Variants in GRID1 observed in about 807,000 individuals in gnomAD.
GRID1 encodes glutamate receptor ionotropic, delta-1.
Under a neutral mutation model 98.0 loss-of-function variants are expected in GRID1, and 28 were observed. That is an observed-to-expected ratio of 0.29 (90% CI 0.21 to 0.39). The LOEUF is 0.39. Ranked by LOEUF, GRID1 falls within the 10% of genes least tolerant of loss-of-function variation. The probability of loss-of-function intolerance (pLI) is 1.00; values close to 1 mark genes in which losing one functional copy is unlikely to be tolerated. For missense variants in GRID1, 1,111 were observed against 1,340.5 expected, an observed-to-expected ratio of 0.83 and a Z score of 2.67; for synonymous variants, 553 against 538.5, an observed-to-expected ratio of 1.03 and a Z score of -0.37.
chr10:86,323,675 G>A (rs1415033396), intron 2 of GRID1, among the ~76,000 whole-genome samples: 1 of 152,202 alleles, frequency 6.6e-6, no homozygotes, highest in Non-Finnish European at 1.5e-5. Flanking sequence ...AATGGGTACA[G>A]GGTCTCTTCT....
intron 12 of GRID1, among the ~76,000 whole-genome samples, chr10:85,656,518 A>T (rs901242742): frequency 6.6e-6 from 1 of 152,050 alleles, no homozygotes; most frequent in Non-Finnish European, 1.5e-5. Flanking sequence ...CACCCGTCTG[A>T]CCACTTCATT....
intron 4 of GRID1, among the ~76,000 whole-genome samples, chr10:85,988,048 G>C (rs1297757375): frequency 6.6e-6 from 1 of 152,084 alleles, no homozygotes; most frequent in Admixed American, 6.5e-5. Flanking sequence ...CTGCTGAATA[G>C]AAATGAATAT....
At chr10:86,050,719 C>T (rs554587909) in intron 4 of GRID1, among the ~76,000 whole-genome samples, 18 of 152,118 alleles carry the variant, frequency 1.2e-4, no homozygotes, top group Middle Eastern at 3.4e-3. Context: ...GAAAGATACA[C>T]CAAGTTCTTG....
Position 86,366,362 on chromosome 10 carries a change from AG to A in GRID1, c.30del (p.Trp11GlyfsTer38). On this transcript the variant is annotated frameshift_variant, in exon 1 of 16. Transcript: ENST00000327946. LOFTEE classifies it high-confidence loss of function. This position sits in a 1 kb window ranked among gnomAD's most constrained non-coding sequence, Gnocchi z 4.1. MEALTLWLL[P>X]WICQCVSVRA... is the part of the protein sequence containing the mutation. Reference sequence around the variant, plus strand: ...CGCACCGACACGCACTGGCATATCCAGGGGAGAAGCCACAGCGTCAGCGCTT... The same window carrying A: ...CGCACCGACACGCACTGGCATATCCAGGGAGAAGCCACAGCGTCAGCGCTT... 1 of 1,521,498 alleles carries A rather than the reference AG, an allele frequency of 6.6e-7. No homozygotes were observed. Among genetic ancestry groups the A allele is most frequent in the Non-Finnish European group, 8.8e-7 (1 of 1,132,730 alleles). 94.2% of individuals were successfully genotyped at this position (1,521,498 alleles called of 1,614,324 possible). A position where few individuals can be genotyped will look rare whatever the true frequency, so the allele number is the denominator to read the frequency against.
chr10:86,017,785 A>C (rs1227732672), intron 4 of GRID1, among the ~76,000 whole-genome samples: 1 of 152,224 alleles, frequency 6.6e-6, no homozygotes, highest in Non-Finnish European at 1.5e-5. Flanking sequence ...CAGGTAGAAA[A>C]GCAGGTGTGG....
intron 2 of GRID1, among the ~76,000 whole-genome samples, chr10:86,305,123 A>AG (rs1356546205): frequency 6.6e-6 from 1 of 151,472 alleles, no homozygotes; most frequent in East Asian, 1.9e-4. Context: ...AAAAAAAAAA[A>AG]CTGATGTCCC....
intron 4 of GRID1, among the ~76,000 whole-genome samples, chr10:86,087,247 G>A (rs751926891): frequency 6.6e-5 from 10 of 151,580 alleles, no homozygotes; most frequent in Non-Finnish European, 1.3e-4. Flanking sequence ...TGTGTCTGTC[G>A]GGGGAGCTCT....
At chr10:85,940,189 T>C (rs1430510248) in intron 4 of GRID1, among the ~76,000 whole-genome samples, 2 of 152,170 alleles carry the variant, frequency 1.3e-5, no homozygotes, top group Admixed American at 1.3e-4. Context: ...AGTAGTTTCT[T>C]AACTGAATGT....
intron 4 of GRID1, among the ~76,000 whole-genome samples, chr10:86,023,316 T>A (rs1843074839): frequency 6.6e-6 from 1 of 152,194 alleles, no homozygotes; most frequent in Non-Finnish European, 1.5e-5. Context: ...GCAACCAATA[T>A]GGCCTGCGGG....
chr10:85,857,192 G>A (rs553000207), intron 6 of GRID1, among the ~76,000 whole-genome samples: 2 of 152,356 alleles, frequency 1.3e-5, no homozygotes, highest in African/African-American at 4.8e-5. Context: ...GTGCCCATCT[G>A]AGGACCACCC....
At chr10:85,815,859 T>C (rs532803110) in intron 8 of GRID1, among the ~76,000 whole-genome samples, 2 of 152,038 alleles carry the variant, frequency 1.3e-5, no homozygotes, top group East Asian at 1.9e-4. Flanking sequence ...CTATAGAAAA[T>C]TAATACTTCA....
At chr10:86,179,303 C>A (rs753831163) in intron 3 of GRID1, among the ~76,000 whole-genome samples, 24 of 151,990 alleles carry the variant, frequency 1.6e-4, no homozygotes, top group Non-Finnish European at 3.2e-4. Flanking sequence ...CAGCCCTCCT[C>A]CCTCTTCCCC....
chr10:86,354,298 C>G (rs1848504287), intron 2 of GRID1, among the ~76,000 whole-genome samples: 1 of 152,270 alleles, frequency 6.6e-6, no homozygotes, highest in Admixed American at 6.5e-5. Context: ...GGGTTGCTAG[C>G]ACCCAGACAG....
At chr10:85,871,703 A>G (rs1266767754) in intron 5 of GRID1, among the ~76,000 whole-genome samples, 1 of 152,246 alleles carries the variant, frequency 6.6e-6, no homozygotes, top group African/African-American at 2.4e-5. Context: ...TTTTAAGGGT[A>G]AGATGGTAAA....
rs114873814 is a variant in GRID1, at chr10:85,907,066, G to A, written c.780+9120C>T. On this transcript the variant is annotated intron_variant, in intron 5 of 15. Transcript: ENST00000327946. ...CTACAGATTCAACAAATATTGAAAGGATGCTAGTGGGATATTATGAACTTC... is the reference window on the plus strand; with the variant it reads ...CTACAGATTCAACAAATATTGAAAGAATGCTAGTGGGATATTATGAACTTC... Among the ~76,000 whole-genome samples, 342 of 152,226 alleles carry A rather than the reference G, an allele frequency of 2.2e-3. 1 individual carries two copies. The highest frequency in any genetic ancestry group is 7.5e-3 in the African/African-American group (311 of 41,552).
chr10:86,018,446 C>A (rs2131885459), intron 4 of GRID1, among the ~76,000 whole-genome samples: 1 of 152,306 alleles, frequency 6.6e-6, no homozygotes, highest in Admixed American at 6.5e-5. Flanking sequence ...GCAGCCCATG[C>A]CAAAATGTCT....
At position 86,206,792 on chromosome 10, in the gene GRID1, G is replaced by A; in HGVS notation, c.236-144C>T. 1 of 673,808 alleles carries A rather than the reference G, an allele frequency of 1.5e-6. No homozygotes were observed. The highest frequency in any genetic ancestry group is 2.5e-6 in the Non-Finnish European group (1 of 401,360). The allele number at this position is 673,808 out of a possible 1,614,324, so 41.7% of individuals were successfully genotyped here. ...CCTCCAGGACCAAGAACCATCCTGG[G>A]CAGGCCAGTGGCTCTCATAAGCACA... On this transcript the variant is annotated intron_variant, in intron 2 of 15. Transcript: ENST00000327946. This position sits in a 1 kb window ranked among gnomAD's most constrained non-coding sequence, Gnocchi z 4.1.
At chr10:85,643,317 T>C (rs994597771) in intron 13 of GRID1, among the ~76,000 whole-genome samples, 22 of 152,156 alleles carry the variant, frequency 1.4e-4, no homozygotes, top group African/African-American at 5.3e-4. Context: ...TGTTTGGGAT[T>C]TGGAGAGGCT....
chr10:86,023,340 G>A (rs549320534), intron 4 of GRID1, among the ~76,000 whole-genome samples: 1 of 152,300 alleles, frequency 6.6e-6, no homozygotes, highest in African/African-American at 2.4e-5. Flanking sequence ...ACTGTGTCCT[G>A]TGCTTCACTG....
Sources: gnomAD v4.1 joint callset for allele counts (sites outside exome capture counted in the v4.1 genomes callset) on GRCh38, gnomAD v4.1.1 for gene constraint, Gnocchi (gnomAD v3.1) non-coding constraint, MANE v1.5 for transcripts, NCBI Gene and HGNC (gene_info 2026-07-23, HGNC 2026-07-21) for gene names.